The following MYOCD variants were observed in gnomAD, a reference collection of about 807,000 sequenced individuals.
MYOCD encodes myocardin.
In MYOCD, 32 loss-of-function variants were observed where a neutral mutation model predicts 96.1. That is an observed-to-expected ratio of 0.33 (90% CI 0.25 to 0.45). The LOEUF (loss-of-function observed/expected upper bound fraction) is 0.45, where lower values mean the gene tolerates loss of function less well. Ranked by LOEUF, MYOCD falls within the 20% of genes least tolerant of loss-of-function variation. MYOCD has a pLI of 1.00. For synonymous variants in MYOCD, 469 were observed against 469.0 expected (o/e 1.00, Z 0.00); for missense variants, 1,133 against 1,200.6 (o/e 0.94, Z 0.83).
At chr17:12,700,579 A>ATGATATTG (rs1567577995) in intron 1 of MYOCD, among the ~76,000 whole-genome samples, 1 of 150,628 alleles carries the variant, frequency 6.6e-6, no homozygotes, top group African/African-American at 2.4e-5. Flanking sequence ...ACACCCAGCT[A>ATGATATTG]ATTTTTTTGT....
In MYOCD at chr17:12,763,741, GA is replaced by G; in HGVS notation, c.*99del. 1 of 1,105,136 alleles carries G rather than the reference GA, an allele frequency of 9.0e-7. No homozygotes were observed. The highest frequency in any genetic ancestry group is 1.3e-6 in the Non-Finnish European group (1 of 788,418). 68.5% of individuals were successfully genotyped at this position (1,105,136 alleles called of 1,614,324 possible). ...TTACTGTCCAAAAACAGAAGAAGAA[GA>G]AGAGAATTAAAAAGAAGCAATGATT... On this transcript the variant is annotated 3_prime_UTR_variant, in exon 14 of 14. Coordinates refer to ENST00000425538, the MANE Select transcript of MYOCD (RefSeq NM_001146312.3).
rs2032344782 is a variant in MYOCD at position 12,736,345 on chromosome 17, C to A, written c.591+9C>A. 6.2e-7 allele frequency: 1 copy of A among 1,610,378 alleles called. No homozygotes were observed. The highest frequency in any genetic ancestry group is 1.3e-5 in the African/African-American group (1 of 74,712). Reference sequence around the variant, plus strand: ...CTCTGGGGACAAACCAGGTAAAAAACAAAACAAACAAACGAAAAAAGTAAA... The same window carrying A: ...CTCTGGGGACAAACCAGGTAAAAAAAAAAACAAACAAACGAAAAAAGTAAA... On this transcript the variant is annotated intron_variant, in intron 6 of 13. Coordinates refer to ENST00000425538, the MANE Select transcript of MYOCD (RefSeq NM_001146312.3).
chr17:12,764,824 T>G lies in MYOCD; in HGVS notation c.*1180T>G, dbSNP rs1311737542. On this transcript the variant is annotated 3_prime_UTR_variant, in exon 14 of 14. Transcript: ENST00000425538. ...TCCTAAGAAAGCCATTTTTGAAAAATTTAACAATCCAGGTTCTTCTGGAGA... is the reference window on the plus strand; with the variant it reads ...TCCTAAGAAAGCCATTTTTGAAAAAGTTAACAATCCAGGTTCTTCTGGAGA... The G allele has an allele frequency of 6.6e-6, 1 of 152,174 alleles. No homozygotes were observed. The highest frequency in any genetic ancestry group is 1.5e-5 in the Non-Finnish European group (1 of 68,040). 9.4% of individuals were successfully genotyped at this position (152,174 alleles called of 1,614,324 possible).
At chr17:12,676,882 C>A (rs1910094037) in intron 1 of MYOCD, among the ~76,000 whole-genome samples, 1 of 152,168 alleles carries the variant, frequency 6.6e-6, no homozygotes, top group South Asian at 2.1e-4. Context: ...AAGCTCTCAA[C>A]CCTCTACTTT....
At chr17:12,746,267 G>A (rs565699476) in intron 9 of MYOCD, among the ~76,000 whole-genome samples, 195 bp downstream of exon 9, 13 of 152,212 alleles carry the variant, frequency 8.5e-5, no homozygotes, top group South Asian at 2.1e-4. Context: ...TTATGCAGCC[G>A]TAACAGGATA....
At chr17:12,683,510 T>C (rs1245566037) in intron 1 of MYOCD, among the ~76,000 whole-genome samples, 3 of 151,972 alleles carry the variant, frequency 2.0e-5, no homozygotes, top group African/African-American at 7.3e-5. Flanking sequence ...CATTCTCTCT[T>C]TCTTATCAGG....
At chr17:12,668,488 T>C (rs1458813147) in intron 1 of MYOCD, among the ~76,000 whole-genome samples, 1 of 152,242 alleles carries the variant, frequency 6.6e-6, no homozygotes, top group Non-Finnish European at 1.5e-5. Context: ...TCATCATCGA[T>C]GTCAACCATG....
Position 12,763,979 on chromosome 17 carries a change from C to T in MYOCD, c.*335C>T. The stretch of plus-strand genomic sequence containing the variant: ...TTCTCAGGCATTGTTGGGGCATAAG[C>T]TCACACTGTAAGCTTTTCTCATGAA... On this transcript the variant is annotated 3_prime_UTR_variant, in exon 14 of 14. Transcript: ENST00000425538. The T allele has an allele frequency of 5.0e-6, 1 of 201,288 alleles. No individual in the cohort carries two copies. Among genetic ancestry groups the T allele is most frequent in the Non-Finnish European group, 9.9e-6 (1 of 100,844 alleles). 12.5% of individuals were successfully genotyped at this position (201,288 alleles called of 1,614,324 possible). A position where few individuals can be genotyped will look rare whatever the true frequency, so the allele number is the denominator to read the frequency against.
chr17:12,679,606 T>G (rs1349179043), intron 1 of MYOCD, among the ~76,000 whole-genome samples: 1 of 152,178 alleles, frequency 6.6e-6, no homozygotes, highest in Non-Finnish European at 1.5e-5. Context: ...ATATATAGTA[T>G]GAGAGAGGTA....
At chr17:12,749,297 G>A (rs1052154588) in intron 9 of MYOCD, among the ~76,000 whole-genome samples, 1 of 152,072 alleles carries the variant, frequency 6.6e-6, no homozygotes, top group African/African-American at 2.4e-5. Flanking sequence ...GGAGGCCAAG[G>A]TGGGCGGATC....
intron 5 of MYOCD, among the ~76,000 whole-genome samples, chr17:12,729,060 G>C (rs1407136014): frequency 6.6e-6 from 1 of 152,140 alleles, no homozygotes; most frequent in Non-Finnish European, 1.5e-5. Flanking sequence ...CACCCTCTCT[G>C]ATCGTTCATT....
At chr17:12,703,426 C>CTATT (rs751971612) in intron 1 of MYOCD, among the ~76,000 whole-genome samples, 1 of 151,744 alleles carries the variant, frequency 6.6e-6, no homozygotes, top group Non-Finnish European at 1.5e-5. Flanking sequence ...TTGAAACTGT[C>CTATT]TATTTATTCC....
At chr17:12,711,192 A>T (rs1193791519) in intron 2 of MYOCD, among the ~76,000 whole-genome samples, 1 of 151,962 alleles carries the variant, frequency 6.6e-6, no homozygotes, top group African/African-American at 2.4e-5. Flanking sequence ...TTATATATAT[A>T]AAAAAAATTC....
chr17:12,708,822 C>G (rs896820050), intron 2 of MYOCD, among the ~76,000 whole-genome samples: 4 of 152,124 alleles, frequency 2.6e-5, no homozygotes, highest in African/African-American at 7.2e-5. Flanking sequence ...GGAGCTGAGG[C>G]CAGAACCTGT....
At chr17:12,740,615 C>T (rs1312953141) in intron 7 of MYOCD, among the ~76,000 whole-genome samples, 6 of 152,296 alleles carry the variant, frequency 3.9e-5, no homozygotes, top group Admixed American at 2.0e-4. Context: ...ACTTGCGACT[C>T]GTGCTTCTAT....
chr17:12,679,150 G>A (rs1422082705), intron 1 of MYOCD, among the ~76,000 whole-genome samples: 1 of 152,104 alleles, frequency 6.6e-6, no homozygotes, highest in Non-Finnish European at 1.5e-5. Context: ...CAGATGCCTG[G>A]CATTTAACCT....
chr17:12,672,448 A>T (rs1909761487), intron 1 of MYOCD, among the ~76,000 whole-genome samples: 1 of 152,252 alleles, frequency 6.6e-6, no homozygotes, highest in Non-Finnish European at 1.5e-5. Flanking sequence ...CTAGTAAGTC[A>T]AGCTGTCAAG....
intron 9 of MYOCD, among the ~76,000 whole-genome samples, chr17:12,748,249 TTATTGA>T (rs141736066): frequency 0.017 from 2,622 of 152,000 alleles, 81 homozygotes; most frequent in African/African-American, 0.061. Flanking sequence ...AGAGAATACC[TTATTGA>T]TATTAAGAAA....
chr17:12,704,400 G>C (rs894452172), intron 1 of MYOCD, among the ~76,000 whole-genome samples: 1 of 152,106 alleles, frequency 6.6e-6, no homozygotes, highest in Non-Finnish European at 1.5e-5. Flanking sequence ...TATATGATAT[G>C]TATAATCTAT....
Sources: gnomAD v4.1 joint callset for allele counts (sites outside exome capture counted in the v4.1 genomes callset) on GRCh38, gnomAD v4.1.1 for gene constraint, MANE v1.5 for transcripts, NCBI Gene and HGNC (gene_info 2026-07-23, HGNC 2026-07-21) for gene names.